Variants in DSCAML1 observed in about 807,000 individuals in gnomAD.
DSCAML1 encodes cell adhesion molecule DSCAML1.
In DSCAML1, 38 loss-of-function variants were observed where a neutral mutation model predicts 200.5. The observed-to-expected ratio is 0.19, with a 90% confidence interval of 0.15 to 0.25. The LOEUF (loss-of-function observed/expected upper bound fraction) is 0.25. DSCAML1 is among the 10% of genes least tolerant of loss of function. The probability of loss-of-function intolerance (pLI) is 1.00; values close to 1 mark genes in which losing one functional copy is unlikely to be tolerated. For synonymous variants in DSCAML1, 1,215 were observed against 1,165.0 expected (o/e 1.04, Z -0.87); for missense variants, 2,223 against 2,858.8 (o/e 0.78, Z 5.07).
At chr11:117,495,399 G>A (rs1198854308) in intron 11 of DSCAML1, among the ~76,000 whole-genome samples, 1 of 152,194 alleles carries the variant, frequency 6.6e-6, no homozygotes, top group Non-Finnish European at 1.5e-5. Context: ...ACTGAATCCT[G>A]CCACGTCTAG....
chr11:117,765,805 C>T (rs2054886919), intron 3 of DSCAML1, among the ~76,000 whole-genome samples: 1 of 152,194 alleles, frequency 6.6e-6, no homozygotes, highest in African/African-American at 2.4e-5. Flanking sequence ...GGTCAGAAGG[C>T]AAGTTAGGTG....
At chr11:117,765,643 T>G (rs2054883857) in intron 3 of DSCAML1, among the ~76,000 whole-genome samples, 1 of 152,180 alleles carries the variant, frequency 6.6e-6, no homozygotes, top group Admixed American at 6.5e-5. Context: ...AACCTACGCA[T>G]AGAGAAACTG....
intron 20 of DSCAML1, among the ~76,000 whole-genome samples, chr11:117,445,000 A>G (rs2048147432): frequency 6.6e-6 from 1 of 152,160 alleles, no homozygotes; most frequent in Admixed American, 6.5e-5. Context: ...TGGGGGCCCG[A>G]GGCCAGAGGG....
At chr11:117,458,967 C>T in intron 18 of DSCAML1, 58 bp from the exon 19 acceptor site, 1 of 1,580,672 alleles carries the variant, frequency 6.3e-7, no homozygotes, top group African/African-American at 1.3e-5. Flanking sequence ...GCCCCTGCTG[C>T]TACCCCTGCT....
intron 3 of DSCAML1, among the ~76,000 whole-genome samples, chr11:117,647,925 T>C (rs1205620480): frequency 6.6e-6 from 1 of 152,136 alleles, no homozygotes; most frequent in East Asian, 1.9e-4. Context: ...CTTGTGGCCA[T>C]GTCACGTCCC....
intron 19 of DSCAML1, among the ~76,000 whole-genome samples, chr11:117,454,886 T>C (rs1405006404): frequency 6.6e-6 from 1 of 152,208 alleles, no homozygotes; most frequent in African/African-American, 2.4e-5. Context: ...CTGTCCTTCA[T>C]GGTCTCACCT....
intron 32 of DSCAML1, 137 bp downstream of exon 32, chr11:117,430,585 G>A (rs1304296137): frequency 1.1e-5 from 11 of 991,114 alleles, no homozygotes; most frequent in Non-Finnish European, 1.6e-5. Flanking sequence ...CTTGCTGTTG[G>A]TACCACCCTG....
chr11:117,762,868 G>GTAATAATAATAA (rs58166401), intron 3 of DSCAML1, among the ~76,000 whole-genome samples: 5,837 of 146,586 alleles, frequency 0.04, 146 homozygotes, highest in Middle Eastern at 0.064. Context: ...GTCTCAAATA[G>GTAATAATAATAA]TAATAATAAT....
chr11:117,714,906 C>T (rs1191872416), intron 3 of DSCAML1, among the ~76,000 whole-genome samples: 5 of 151,202 alleles, frequency 3.3e-5, no homozygotes, highest in African/African-American at 1.2e-4. Flanking sequence ...AAGGAGGCCC[C>T]AGGCCCCAGC....
chr11:117,698,719 ATCT>A (rs1232914913), intron 3 of DSCAML1, among the ~76,000 whole-genome samples: 1 of 152,082 alleles, frequency 6.6e-6, no homozygotes, highest in East Asian at 1.9e-4. Flanking sequence ...CTACATGTAT[ATCT>A]TCTTTGGAGA....
chr11:117,529,485 A>T (rs548944862), intron 4 of DSCAML1, among the ~76,000 whole-genome samples: 2 of 152,290 alleles, frequency 1.3e-5, no homozygotes, highest in Admixed American at 1.3e-4. Context: ...ACATTATTTT[A>T]TGCCAGGCTG....
chr11:117,797,282 C>T (rs762092820), upstream of DSCAML1: 113 of 1,338,326 alleles, frequency 8.4e-5, 1 homozygote, highest in Non-Finnish European at 3.8e-6. Flanking sequence ...GCTAGGCGGC[C>T]GCTCTCCCCG....
chr11:117,430,256 T>C (rs550954457), intron 32 of DSCAML1, among the ~76,000 whole-genome samples: 113 of 152,290 alleles, frequency 7.4e-4, no homozygotes, highest in African/African-American at 2.4e-3. Flanking sequence ...CTGCCAGGAT[T>C]GTTTGTTTGG....
chr11:117,606,636 C>T (rs911210192), intron 3 of DSCAML1, among the ~76,000 whole-genome samples: 3 of 152,184 alleles, frequency 2.0e-5, no homozygotes, highest in African/African-American at 7.2e-5. Flanking sequence ...TTCCATCCGT[C>T]CTTCCACCCC....
At chr11:117,445,597 G>A (rs940389148) in intron 20 of DSCAML1, among the ~76,000 whole-genome samples, 1 of 152,242 alleles carries the variant, frequency 6.6e-6, no homozygotes, top group African/African-American at 2.4e-5. Context: ...GCACAAGGAG[G>A]CAGGGGTGTG....
At chr11:117,721,425 G>A (rs1031976701) in intron 3 of DSCAML1, among the ~76,000 whole-genome samples, 2 of 151,946 alleles carry the variant, frequency 1.3e-5, no homozygotes, top group African/African-American at 4.8e-5. Context: ...AATTACTCTG[G>A]GTATTCCAAC....
At chr11:117,557,028 G>A (rs1254785952) in intron 3 of DSCAML1, among the ~76,000 whole-genome samples, 5 of 152,190 alleles carry the variant, frequency 3.3e-5, no homozygotes, top group African/African-American at 9.7e-5. Context: ...AGTCCACACA[G>A]GACCAGGCAG....
At chr11:117,803,766 T>A (rs556608298) in intron 1 of DSCAML1, among the ~76,000 whole-genome samples, 33 of 152,324 alleles carry the variant, frequency 2.2e-4, no homozygotes, top group Non-Finnish European at 3.4e-4. Context: ...ACAGTGCTGT[T>A]CACACAGAAG....
intron 19 of DSCAML1, among the ~76,000 whole-genome samples, chr11:117,457,485 A>G (rs1191767996): frequency 6.6e-6 from 1 of 152,250 alleles, no homozygotes; most frequent in Non-Finnish European, 1.5e-5. Flanking sequence ...AGATGGGACC[A>G]GGCTCTAGAT....
Sources: gnomAD v4.1 joint callset for allele counts (sites outside exome capture counted in the v4.1 genomes callset) on GRCh38, gnomAD v4.1.1 for gene constraint, MANE v1.5 for transcripts, NCBI Gene and HGNC (gene_info 2026-07-23, HGNC 2026-07-21) for gene names.